RBFOX1: variants seen among roughly 807,000 people sequenced by gnomAD.
RBFOX1 encodes the protein RNA binding fox-1 homolog 1, also known as RNA binding protein fox-1 homolog 1.
In RBFOX1, 8 loss-of-function variants were observed where a neutral mutation model predicts 57.7. The ratio of observed to expected loss-of-function variants is 0.14; its 90% CI spans 0.08 to 0.25. The LOEUF is 0.25. RBFOX1 is among the 10% of genes least tolerant of loss of function. RBFOX1 has a pLI of 1.00. For synonymous variants in RBFOX1, 326 were observed against 222.4 expected, an observed-to-expected ratio of 1.47 and a Z score of -4.15; for missense variants, 611 against 548.5, an observed-to-expected ratio of 1.11 and a Z score of -1.14.
chr16:5,369,638 A>T (rs1305636437), intron 1 of RBFOX1, among the ~76,000 whole-genome samples: 1 of 152,186 alleles, frequency 6.6e-6, no homozygotes, highest in East Asian at 1.9e-4. Context: ...ATGCTGGGCA[A>T]ACTTGCTTCT....
At chr16:7,087,970 T>G (rs2060243316) in intron 4 of RBFOX1, among the ~76,000 whole-genome samples, 1 of 152,122 alleles carries the variant, frequency 6.6e-6, no homozygotes, top group Non-Finnish European at 1.5e-5. Flanking sequence ...CAGCCCAGAG[T>G]AATCGCATTT....
intron 14 of RBFOX1, among the ~76,000 whole-genome samples, chr16:7,680,902 G>C (rs935881171): frequency 8.4e-6 from 1 of 119,170 alleles, no homozygotes; most frequent in Non-Finnish European, 1.9e-5. Context: ...ACACACACAC[G>C]TACACACACA....
chr16:6,905,669 C>T (rs12050946), intron 3 of RBFOX1, among the ~76,000 whole-genome samples: 44,144 of 151,926 alleles, frequency 0.29, 7,348 homozygotes, highest in African/African-American at 0.47. Context: ...ACCATCACCA[C>T]CAAAAGGGGA....
At chr16:7,078,235 C>G (rs560852662) in intron 4 of RBFOX1, among the ~76,000 whole-genome samples, 150 of 152,302 alleles carry the variant, frequency 9.8e-4, no homozygotes, top group African/African-American at 3.5e-3. Context: ...GTCCACTATA[C>G]AGAGTTTTTT....
Position 6,286,104 on chromosome 16 carries a change from A to AT in RBFOX1, c.-126-30890dup. Among the ~76,000 whole-genome samples, 3 of 152,284 alleles carry AT rather than the reference A, an allele frequency of 2.0e-5. 1 individual carries two copies. The Middle Eastern group carries it at 0.01, about 518-fold the overall frequency. ...ACGTATGGCCCTCTTTCCAGGAGAAATGCTGAAATATGTTTCAAAGCAACG... is the reference window on the plus strand; with the variant it reads ...ACGTATGGCCCTCTTTCCAGGAGAAATTGCTGAAATATGTTTCAAAGCAACG... On this transcript the variant is annotated intron_variant, in intron 1 of 15. Coordinates refer to ENST00000550418, the MANE Select transcript of RBFOX1 (RefSeq NM_018723.4).
At chr16:5,637,003 C>A (rs747924381) in intron 3 of RBFOX1, among the ~76,000 whole-genome samples, 1 of 152,194 alleles carries the variant, frequency 6.6e-6, no homozygotes, top group Non-Finnish European at 1.5e-5. Context: ...GGAGTTCGGG[C>A]CCCTCAGGCT....
chr16:7,507,565 C>CTTTTTTT (rs3030308), intron 4 of RBFOX1, among the ~76,000 whole-genome samples: 186 of 132,514 alleles, frequency 1.4e-3, no homozygotes, highest in African/African-American at 4.6e-3. Flanking sequence ...TTCTTTCTTT[C>CTTTTTTT]TTTTTTTTTT....
At chr16:7,668,461 C>G (rs1231940970) in intron 13 of RBFOX1, among the ~76,000 whole-genome samples, 1 of 152,146 alleles carries the variant, frequency 6.6e-6, no homozygotes. Flanking sequence ...CAGGACAGCT[C>G]ATTTGGGCAG....
At chr16:5,877,167 G>C (rs2057633773) in intron 4 of RBFOX1, among the ~76,000 whole-genome samples, 1 of 152,224 alleles carries the variant, frequency 6.6e-6, no homozygotes, top group South Asian at 2.1e-4. Context: ...TCCAGGCTAG[G>C]CTTAGCGGTT....
At position 7,597,444 on chromosome 16, in the gene RBFOX1, T is replaced by C; in HGVS notation, c.622+13T>C. The C allele has an allele frequency of 6.3e-7, 1 of 1,586,738 alleles. No homozygotes were observed. Among genetic ancestry groups the C allele is most frequent in the Non-Finnish European group, 8.6e-7 (1 of 1,160,080 alleles). On this transcript the variant is annotated intron_variant, in intron 9 of 15. Coordinates refer to ENST00000550418, the MANE Select transcript of RBFOX1 (RefSeq NM_018723.4). ...CCTTATACAAATGGTAAGTAGAGAT[T>C]GGCCTTTTACAAGAAATTCTCTCTA...
chr16:6,588,829 C>G (rs1035313260), intron 2 of RBFOX1, among the ~76,000 whole-genome samples: 2 of 152,128 alleles, frequency 1.3e-5, no homozygotes, highest in Non-Finnish European at 2.9e-5. Context: ...GCTCCCCAGG[C>G]CATGCTGTCT....
intron 2 of RBFOX1, among the ~76,000 whole-genome samples, chr16:6,584,224 T>G (rs8055163): frequency 0.35 from 53,754 of 151,464 alleles, 11,200 homozygotes; most frequent in Middle Eastern, 0.52. Context: ...GATGAAGTTT[T>G]AGGGCCCATC....
chr16:5,856,211 A>ATG (rs2057041091), intron 3 of RBFOX1, among the ~76,000 whole-genome samples: 2 of 39,190 alleles, frequency 5.1e-5, no homozygotes, highest in African/African-American at 1.5e-4. Context: ...ATATATACAT[A>ATG]TATATGTATA....
At chr16:6,421,549 G>A (rs2093771539) in intron 2 of RBFOX1, among the ~76,000 whole-genome samples, 1 of 152,136 alleles carries the variant, frequency 6.6e-6, no homozygotes. Context: ...ATTCATTATG[G>A]CCATGAGCAT....
At position 7,460,441 on chromosome 16, in the gene RBFOX1, A is replaced by G. The variant is rs1039811828; in HGVS notation, c.28-57706A>G. Among the ~76,000 whole-genome samples the G allele has an allele frequency of 7.2e-5, 10 of 138,778 alleles. No individual in the cohort carries two copies. The South Asian group carries it at 9.2e-4, about 13-fold the overall frequency. 91.0% of individuals were successfully genotyped at this position (138,778 alleles called of 152,430 possible). On this transcript the variant is annotated intron_variant, in intron 4 of 15. Transcript: ENST00000550418. ...TGTATATACATATGTGTGTGTATATATGTATGTGTGTATATACATATCTAA... is the reference window on the plus strand; with the variant it reads ...TGTATATACATATGTGTGTGTATATGTGTATGTGTGTATATACATATCTAA...
intron 3 of RBFOX1, among the ~76,000 whole-genome samples, chr16:6,874,514 A>AG (rs2061492889): frequency 2.7e-5 from 1 of 37,118 alleles, no homozygotes; most frequent in Non-Finnish European, 5.7e-5. Flanking sequence ...CCATCTAAAA[A>AG]AAAAAAAAAA....
chr16:6,727,050 A>AACACACACACACACAC (rs71408406), intron 3 of RBFOX1, among the ~76,000 whole-genome samples: 52,587 of 135,564 alleles, frequency 0.39, 12,022 homozygotes, highest in South Asian at 0.53. Context: ...ATTTGGACTG[A>AACACACACACACACAC]ACACACACAC....
chr16:6,535,803 T>C (rs778484453), intron 2 of RBFOX1, among the ~76,000 whole-genome samples: 2 of 152,202 alleles, frequency 1.3e-5, no homozygotes. Flanking sequence ...CTGCCTATTT[T>C]TATATGTTAC....
chr16:5,376,516 A>T (rs2065987481), intron 1 of RBFOX1, among the ~76,000 whole-genome samples: 1 of 152,158 alleles, frequency 6.6e-6, no homozygotes, highest in South Asian at 2.1e-4. Context: ...CAGACAGGGC[A>T]GTGGGAGAGT....
Sources: gnomAD v4.1 joint callset for allele counts (sites outside exome capture counted in the v4.1 genomes callset) on GRCh38, gnomAD v4.1.1 for gene constraint, MANE v1.5 for transcripts, NCBI Gene and HGNC (gene_info 2026-07-23, HGNC 2026-07-21) for gene names.